Variants in GFRA1 observed in about 807,000 individuals in gnomAD.
GFRA1 encodes GDNF family receptor alpha-1.
A neutral mutation model predicts 51.6 loss-of-function variants in GFRA1; 16 were observed. The ratio of observed to expected loss-of-function variants is 0.31; its 90% confidence interval spans 0.21 to 0.47. GFRA1 has a LOEUF of 0.47. GFRA1 is among the 20% of genes least tolerant of loss of function. GFRA1 has a pLI of 1.00. For missense variants in GFRA1, 530 were observed against 594.3 expected (o/e 0.89, Z 1.13); for synonymous variants, 270 against 241.3 (o/e 1.12, Z -1.10).
At chr10:116,066,391 G>C (rs1418716258) in intron 9 of GFRA1, among the ~76,000 whole-genome samples, 2 of 152,154 alleles carry the variant, frequency 1.3e-5, no homozygotes, top group Admixed American at 1.3e-4. Context: ...CCAGCCATTT[G>C]AAAATGGCTT....
At chr10:116,094,027 C>A (rs1956470348) in intron 7 of GFRA1, among the ~76,000 whole-genome samples, 191 bp from the exon 8 acceptor site, 1 of 152,164 alleles carries the variant, frequency 6.6e-6, no homozygotes, top group Non-Finnish European at 1.5e-5. Context: ...ATAATTTACA[C>A]ATTTACTTTA....
At chr10:116,198,487 A>G (rs1477772480) in intron 5 of GFRA1, among the ~76,000 whole-genome samples, 1 of 152,226 alleles carries the variant, frequency 6.6e-6, no homozygotes, top group Non-Finnish European at 1.5e-5. Flanking sequence ...CTCTATTTAC[A>G]CTGTACCCAT....
At chr10:116,124,510 C>T (rs1565592760) in intron 6 of GFRA1, among the ~76,000 whole-genome samples, 1 of 152,170 alleles carries the variant, frequency 6.6e-6, no homozygotes, top group South Asian at 2.1e-4. Flanking sequence ...AGATTTCAGG[C>T]GTGAGCCACC....
chr10:116,263,590 C>T (rs1363553226), intron 4 of GFRA1, among the ~76,000 whole-genome samples: 1 of 152,184 alleles, frequency 6.6e-6, no homozygotes, highest in Non-Finnish European at 1.5e-5. Flanking sequence ...AGAACGGCAG[C>T]TGCTCAACCT....
chr10:116,188,654 A>C (rs1250944078), intron 5 of GFRA1, among the ~76,000 whole-genome samples: 3 of 152,152 alleles, frequency 2.0e-5, no homozygotes, highest in Non-Finnish European at 4.4e-5. Flanking sequence ...CTGTAATCCC[A>C]ACACTTTGGG....
At chr10:116,228,866 C>A (rs1328343383) in intron 4 of GFRA1, among the ~76,000 whole-genome samples, 1 of 150,690 alleles carries the variant, frequency 6.6e-6, no homozygotes, top group East Asian at 2.0e-4. Context: ...TCTGTAATCC[C>A]AGCTACTCAA....
intron 4 of GFRA1, among the ~76,000 whole-genome samples, chr10:116,253,599 C>T (rs1003974314): frequency 6.8e-6 from 1 of 146,740 alleles, no homozygotes; most frequent in African/African-American, 2.6e-5. Context: ...GAGAGTGAGA[C>T]TCTCTCTCAC....
intron 5 of GFRA1, among the ~76,000 whole-genome samples, chr10:116,206,736 C>T (rs1056476477): frequency 2.0e-5 from 3 of 149,946 alleles, no homozygotes; most frequent in African/African-American, 7.4e-5. Context: ...GGGTTCACGC[C>T]ATTCTCCTTC....
At chr10:116,247,155 A>G (rs367947540) in intron 4 of GFRA1, among the ~76,000 whole-genome samples, 45 of 152,198 alleles carry the variant, frequency 3.0e-4, no homozygotes, top group African/African-American at 9.9e-4. Context: ...AGAAAATGGC[A>G]CTGTCATTTA....
chr10:116,071,023 G>T (rs1955365835), intron 9 of GFRA1, among the ~76,000 whole-genome samples: 1 of 152,346 alleles, frequency 6.6e-6, no homozygotes, highest in Non-Finnish European at 1.5e-5. Context: ...CCTGCTCTGA[G>T]CCTGTGGGCT....
At chr10:116,190,155 C>T (rs1249410998) in intron 5 of GFRA1, among the ~76,000 whole-genome samples, 1 of 152,210 alleles carries the variant, frequency 6.6e-6, no homozygotes, top group Non-Finnish European at 1.5e-5. Context: ...TCATTCAACA[C>T]ATTGACTGTA....
At chr10:116,194,392 C>T (rs550838047) in intron 5 of GFRA1, among the ~76,000 whole-genome samples, 12 of 152,310 alleles carry the variant, frequency 7.9e-5, no homozygotes, top group African/African-American at 2.9e-4. Context: ...TAAACTACCC[C>T]TGTCTGCAGA....
chr10:116,166,292 A>G (rs768654056), intron 5 of GFRA1, among the ~76,000 whole-genome samples: 1 of 152,192 alleles, frequency 6.6e-6, no homozygotes, highest in Non-Finnish European at 1.5e-5. Flanking sequence ...AGAATGATTT[A>G]TATTCCTTTG....
intron 5 of GFRA1, among the ~76,000 whole-genome samples, chr10:116,199,072 G>A (rs752208732): frequency 7.2e-5 from 11 of 152,142 alleles, no homozygotes; most frequent in South Asian, 2.1e-4. Context: ...GGAAGCGGCC[G>A]GGACAGATCC....
rs899159328 is a variant in GFRA1 at position 116,176,003 on chromosome 10, C to G, written c.433+35628G>C. Among the ~76,000 whole-genome samples the G allele has an allele frequency of 7.2e-5, 11 of 152,088 alleles. No homozygotes were observed. The South Asian group carries it at 2.3e-3, about 32-fold the overall frequency. On this transcript the variant is annotated intron_variant, in intron 5 of 10. Transcript: ENST00000355422. ...AGGGGCTACTAATGTCTGATGCAGG[C>G]TGATCGTTTCCGCCACAAACAATGC...
chr10:116,151,994 G>T (rs1959082254), intron 5 of GFRA1, among the ~76,000 whole-genome samples: 3 of 152,124 alleles, frequency 2.0e-5, no homozygotes, highest in Non-Finnish European at 4.4e-5. Flanking sequence ...CAAGCCCTAG[G>T]GCAGGGAAAA....
intron 5 of GFRA1, among the ~76,000 whole-genome samples, chr10:116,162,256 G>C (rs1193385521): frequency 6.6e-6 from 1 of 152,232 alleles, no homozygotes; most frequent in Non-Finnish European, 1.5e-5. Flanking sequence ...GCAGTGTCAA[G>C]CTGGAGAAGA....
chr10:116,265,164 G>A lies in GFRA1; in HGVS notation c.418+4339C>T, dbSNP rs964622651. ...AAACCACTTCCAATTACTTGGGAAC[G>A]AATCTGGAGATCCTAAGGCTTCCCG... On this transcript the variant is annotated intron_variant, in intron 4 of 10. Coordinates refer to ENST00000355422, the MANE Select transcript of GFRA1 (RefSeq NM_005264.8). 1.1e-4 allele frequency among the ~76,000 whole-genome samples: 16 copies of A among 152,162 alleles called. 1 individual carries two copies. Among genetic ancestry groups the A allele is most frequent in the Admixed American group, 3.9e-4 (6 of 15,278 alleles).
intron 5 of GFRA1, among the ~76,000 whole-genome samples, chr10:116,185,168 A>G (rs1962588930): frequency 1.3e-5 from 2 of 151,798 alleles, no homozygotes; most frequent in African/African-American, 4.8e-5. Flanking sequence ...ACAGAGAGAG[A>G]CTGAGAGGAG....
Sources: gnomAD v4.1 joint callset for allele counts (sites outside exome capture counted in the v4.1 genomes callset) on GRCh38, gnomAD v4.1.1 for gene constraint, MANE v1.5 for transcripts, NCBI Gene and HGNC (gene_info 2026-07-23, HGNC 2026-07-21) for gene names.